CACNA1C: variants seen among roughly 807,000 people sequenced by gnomAD.
The protein encoded by CACNA1C is voltage-dependent L-type calcium channel subunit alpha-1C.
CACNA1C carries 30 observed loss-of-function variants against 229.0 expected under a neutral mutation model. That is an observed-to-expected ratio of 0.13 (90% CI 0.10 to 0.18). The LOEUF (loss-of-function observed/expected upper bound fraction) is 0.18, where lower values mean the gene tolerates loss of function less well. CACNA1C is among the 10% of genes least tolerant of loss of function. CACNA1C has a pLI of 1.00. For missense variants in CACNA1C, 1,658 were observed against 2,845.0 expected (o/e 0.58, Z 9.49); for synonymous variants, 1,114 against 1,132.5 (o/e 0.98, Z 0.33).
At chr12:2,457,515 GGGCAA>G (rs1235713093) in intron 4 of CACNA1C, 47 bp from the exon 5 acceptor site, 14 of 1,576,758 alleles carry the variant, frequency 8.9e-6, no homozygotes, top group Non-Finnish European at 1.2e-5. Flanking sequence ...AGCCCCAGCT[GGGCAA>G]AAGAAAACCC....
chr12:2,605,236 A>C lies in CACNA1C; in HGVS notation c.3048+68A>C. On this transcript the variant is annotated intron_variant, in intron 23 of 46. Transcript: ENST00000399655. The surrounding 1 kb of genome is among the most constrained non-coding windows in gnomAD (Gnocchi z 6.2). Reference sequence around the variant, plus strand: ...GGGGAGTGGGAGCTCCACAGAGGTGAGGGGTGGGTTGGAAGGAGATGATGG... The same window carrying C: ...GGGGAGTGGGAGCTCCACAGAGGTGCGGGGTGGGTTGGAAGGAGATGATGG... 9.0e-7 allele frequency: 1 copy of C among 1,113,264 alleles called. No individual in the cohort carries two copies. The highest frequency in any genetic ancestry group is 1.3e-5 in the South Asian group (1 of 79,072). The allele number at this position is 1,113,264 out of a possible 1,614,324, so 69.0% of individuals were successfully genotyped here. A position where few individuals can be genotyped will look rare whatever the true frequency, so the allele number is the denominator to read the frequency against.
intron 3 of CACNA1C, among the ~76,000 whole-genome samples, chr12:2,221,930 CAT>C (rs1404211360): frequency 6.6e-6 from 1 of 152,130 alleles, no homozygotes; most frequent in East Asian, 1.9e-4. Context: ...AATGAACAAA[CAT>C]AGAAAGTTAT....
At chr12:2,191,889 C>G (rs913893553) in intron 3 of CACNA1C, among the ~76,000 whole-genome samples, 1 of 151,908 alleles carries the variant, frequency 6.6e-6, no homozygotes, top group East Asian at 1.9e-4. Flanking sequence ...CACGTACACA[C>G]AGGCACACAC....
At chr12:2,194,678 T>C (rs1051258709) in intron 3 of CACNA1C, among the ~76,000 whole-genome samples, 2 of 152,166 alleles carry the variant, frequency 1.3e-5, no homozygotes, top group Non-Finnish European at 2.9e-5. Flanking sequence ...TTGGGCCTTA[T>C]CTGAGCTGCT....
In CACNA1C at chr12:2,639,230, G is replaced by A. The variant is rs2093333209; in HGVS notation, c.3912+4850G>A. On this transcript the variant is annotated intron_variant, in intron 30 of 46. Coordinates refer to ENST00000399655, the MANE Select transcript of CACNA1C (RefSeq NM_000719.7). This position sits in a 1 kb window ranked among gnomAD's most constrained non-coding sequence, Gnocchi z 4.2. The stretch of plus-strand genomic sequence containing the variant: ...TCCTCTGTGAGCCGGGGAGGTAAGA[G>A]TGCGATGTCCTGCTGCTCTAGGGAA... Among the ~76,000 whole-genome samples the A allele has an allele frequency of 6.6e-6, 1 of 152,192 alleles. No individual in the cohort carries two copies. The highest frequency in any genetic ancestry group is 2.4e-5 in the African/African-American group (1 of 41,450).
chr12:2,316,142 C>T lies in CACNA1C; in HGVS notation c.478-132834C>T, dbSNP rs144127386. ...CTCCACTAAGAGAATGGGCTTTGGG[C>T]CTGTTCAGTTTCTACCAATGTGGGG... On this transcript the variant is annotated intron_variant, in intron 3 of 46. Transcript: ENST00000399655. 4.4e-3 allele frequency among the ~76,000 whole-genome samples: 674 copies of T among 152,352 alleles called. 7 individuals are homozygous for T. The highest frequency in any genetic ancestry group is 0.014 in the African/African-American group (587 of 41,578).
intron 29 of CACNA1C, among the ~76,000 whole-genome samples, chr12:2,620,872 C>T (rs981608305): frequency 6.6e-6 from 1 of 152,304 alleles, no homozygotes; most frequent in African/African-American, 2.4e-5. Context: ...AAGTTTGATG[C>T]ATGCATGCAT....
At chr12:2,174,719 A>T (rs759055429) in intron 3 of CACNA1C, among the ~76,000 whole-genome samples, 24 of 152,244 alleles carry the variant, frequency 1.6e-4, no homozygotes, top group Non-Finnish European at 4.4e-5. Context: ...AACTACTAAC[A>T]ATCTACTGTT....
chr12:2,327,954 C>T (rs16929259), intron 3 of CACNA1C, among the ~76,000 whole-genome samples: 2,970 of 152,248 alleles, frequency 0.02, 45 homozygotes, highest in Non-Finnish European at 0.027. Context: ...ATGGCCTGTT[C>T]TCCTGAATAT....
intron 3 of CACNA1C, among the ~76,000 whole-genome samples, chr12:2,236,067 C>T (rs555519573): frequency 1.5e-4 from 23 of 152,200 alleles, no homozygotes; most frequent in Non-Finnish European, 2.6e-4. Context: ...GCTTCAGAGT[C>T]CACTTGGCTC....
chr12:2,414,904 G>A (rs2098848232), intron 3 of CACNA1C, among the ~76,000 whole-genome samples: 1 of 152,128 alleles, frequency 6.6e-6, no homozygotes, highest in Admixed American at 6.5e-5. Context: ...CCAAGAACTG[G>A]CCCAAAGGCC....
rs115568321 is a variant in CACNA1C, at chr12:2,473,703, G to A, written c.758-12401G>A. Reference sequence around the variant, plus strand: ...TGTCAAGGTCACACAGTTATTGATAGCAGAAGAGGAAATAGCCTGGCATTT... The same window carrying A: ...TGTCAAGGTCACACAGTTATTGATAACAGAAGAGGAAATAGCCTGGCATTT... On this transcript the variant is annotated intron_variant, in intron 5 of 46. Coordinates refer to ENST00000399655, the MANE Select transcript of CACNA1C (RefSeq NM_000719.7). Among the ~76,000 whole-genome samples the A allele has an allele frequency of 8.6e-3, 1,305 of 152,236 alleles. 16 individuals carry two copies. Among genetic ancestry groups the A allele is most frequent in the African/African-American group, 0.027 (1,135 of 41,538 alleles).
Position 2,605,585 on chromosome 12 carries a change from C to A in CACNA1C, c.3049-94C>A. 1.2e-6 allele frequency: 1 copy of A among 861,342 alleles called. No homozygotes were observed. Among genetic ancestry groups the A allele is most frequent in the African/African-American group, 1.7e-5 (1 of 60,486 alleles). 53.4% of individuals were successfully genotyped at this position (861,342 alleles called of 1,614,324 possible). A position where few individuals can be genotyped will look rare whatever the true frequency, so the allele number is the denominator to read the frequency against. On this transcript the variant is annotated intron_variant, in intron 23 of 46. Coordinates refer to ENST00000399655, the MANE Select transcript of CACNA1C (RefSeq NM_000719.7). The surrounding 1 kb of genome is among the most constrained non-coding windows in gnomAD (Gnocchi z 6.2). ...TTGCCCCTCTCAGCCCAATTACTCC[C>A]CGTTGTGGCAAACGGGCTGCCCCTG...
At position 2,021,924 on chromosome 12, in the gene CACNA1C, C is replaced by T. The variant is rs1031978846; in HGVS notation, c.139+50723C>T. ...TTGGGGGTTAAGTTTCCAACACATA[C>T]GTTTCGGGGGACACAGTCAGACTAT... is the stretch of plus-strand genomic sequence containing the variant. On this transcript the variant is annotated intron_variant, in intron 1 of 46. Coordinates refer to the CACNA1C transcript ENST00000682462. 3.9e-5 allele frequency among the ~76,000 whole-genome samples: 6 copies of T among 152,296 alleles called. No homozygotes were observed. In the South Asian group the frequency reaches 8.3e-4, roughly 21 times the overall value.
intron 1 of CACNA1C, among the ~76,000 whole-genome samples, chr12:2,044,974 C>A (rs564990185): frequency 6.6e-6 from 1 of 152,176 alleles, no homozygotes; most frequent in Non-Finnish European, 1.5e-5. Flanking sequence ...ACAAACTGAG[C>A]CGTCATTTAT....
At chr12:2,527,090 A>C (rs1245679696) in intron 9 of CACNA1C, among the ~76,000 whole-genome samples, 1 of 152,244 alleles carries the variant, frequency 6.6e-6, no homozygotes, top group African/African-American at 2.4e-5. Context: ...TAAGGATATT[A>C]AGACATTTTA....
chr12:2,662,811 T>A (rs2095835100), intron 34 of CACNA1C, among the ~76,000 whole-genome samples: 1 of 152,208 alleles, frequency 6.6e-6, no homozygotes, highest in Non-Finnish European at 1.5e-5. Context: ...AGGAATGCAA[T>A]GACAAGGCTA....
chr12:2,514,647 T>C (rs1660408990), intron 9 of CACNA1C, among the ~76,000 whole-genome samples: 1 of 152,210 alleles, frequency 6.6e-6, no homozygotes, highest in Non-Finnish European at 1.5e-5. Flanking sequence ...GGCTCCACCC[T>C]AAGTCAGAGC....
intron 3 of CACNA1C, among the ~76,000 whole-genome samples, chr12:2,229,605 A>T (rs2064108639): frequency 6.6e-6 from 1 of 152,122 alleles, no homozygotes; most frequent in Non-Finnish European, 1.5e-5. Flanking sequence ...GTGTGAGTGG[A>T]GGTTTACTTT....
Sources: allele counts gnomAD v4.1 joint callset (sites outside exome capture counted in the v4.1 genomes callset), GRCh38; gene constraint gnomAD v4.1.1; non-coding constraint Gnocchi (gnomAD v3.1); transcripts MANE v1.5; gene names NCBI Gene and HGNC (gene_info 2026-07-23, HGNC 2026-07-21).